Variants in LSAMP observed in about 807,000 individuals in gnomAD.
LSAMP encodes limbic system associated membrane protein.
LSAMP carries 7 observed loss-of-function variants against 38.6 expected under a neutral mutation model. The ratio of observed to expected loss-of-function variants is 0.18; its 90% CI spans 0.10 to 0.34. LSAMP has a LOEUF of 0.34. Among genes scored for constraint, LSAMP ranks in the 10% least tolerant of loss-of-function variants. LSAMP has a pLI of 1.00. For synonymous variants in LSAMP, 154 were observed against 166.8 expected, an observed-to-expected ratio of 0.92 and a Z score of 0.59; for missense variants, 313 against 420.0, an observed-to-expected ratio of 0.75 and a Z score of 2.23.
chr3:116,024,071 A>G (rs1270927616), intron 2 of LSAMP, among the ~76,000 whole-genome samples: 1 of 152,166 alleles, frequency 6.6e-6, no homozygotes, highest in Non-Finnish European at 1.5e-5. Flanking sequence ...TCCTGGATCC[A>G]CAATGGGTGA....
chr3:116,009,697 A>G (rs140278521), intron 3 of LSAMP, among the ~76,000 whole-genome samples: 2 of 152,264 alleles, frequency 1.3e-5, no homozygotes, highest in African/African-American at 4.8e-5. Context: ...AGGAAGTATT[A>G]TAAAACTTCC....
At chr3:115,911,973 C>T (rs1204429056) in intron 3 of LSAMP, among the ~76,000 whole-genome samples, 3 of 152,086 alleles carry the variant, frequency 2.0e-5, no homozygotes, top group Non-Finnish European at 4.4e-5. Context: ...TATATAACCT[C>T]GTCAGTGAAA....
chr3:115,977,846 C>T (rs947190240), intron 3 of LSAMP, among the ~76,000 whole-genome samples: 1 of 151,652 alleles, frequency 6.6e-6, no homozygotes, highest in Non-Finnish European at 1.5e-5. Flanking sequence ...GGAAAGAAGG[C>T]CAAACTAAAA....
At chr3:116,107,828 G>C (rs1428073787) in intron 1 of LSAMP, among the ~76,000 whole-genome samples, 5 of 152,148 alleles carry the variant, frequency 3.3e-5, no homozygotes, top group Non-Finnish European at 7.4e-5. Context: ...AATGGATTGT[G>C]GAGGGAGGTA....
At chr3:116,263,891 C>G (rs970153240) in intron 1 of LSAMP, among the ~76,000 whole-genome samples, 2 of 152,258 alleles carry the variant, frequency 1.3e-5, no homozygotes, top group Non-Finnish European at 2.9e-5. Flanking sequence ...GGGGAGTCAT[C>G]TATGGCTTCT....
At chr3:115,834,057 A>G (rs1263749368) in intron 6 of LSAMP, among the ~76,000 whole-genome samples, 4 of 152,140 alleles carry the variant, frequency 2.6e-5, no homozygotes, top group Non-Finnish European at 5.9e-5. Flanking sequence ...AAAACCATGA[A>G]TTGGCCAAGA....
At chr3:116,234,317 C>T (rs901167596) in intron 1 of LSAMP, among the ~76,000 whole-genome samples, 7 of 152,034 alleles carry the variant, frequency 4.6e-5, no homozygotes, top group African/African-American at 1.4e-4. Flanking sequence ...AATGAAAGGG[C>T]GTTCACGGGG....
intron 3 of LSAMP, among the ~76,000 whole-genome samples, chr3:115,891,979 T>TA (rs1178787616): frequency 6.6e-6 from 1 of 151,992 alleles, no homozygotes; most frequent in African/African-American, 2.4e-5. Context: ...GGAATGTACT[T>TA]ACTTCTCACT....
chr3:115,805,796 C>T lies in LSAMP; in HGVS notation c.*4521G>A, dbSNP rs967616731. ...GCTAGTATGCACATAAATGTAAACTCCATTTTGCATTTAGTGAGATGTTTA... is the reference window on the plus strand; with the variant it reads ...GCTAGTATGCACATAAATGTAAACTTCATTTTGCATTTAGTGAGATGTTTA... On this transcript the variant is annotated 3_prime_UTR_variant, in exon 7 of 7. Coordinates refer to ENST00000490035, the MANE Select transcript of LSAMP (RefSeq NM_002338.5). 6.6e-6 allele frequency: 1 copy of T among 152,126 alleles called. No homozygotes were observed. The highest frequency in any genetic ancestry group is 2.4e-5 in the African/African-American group (1 of 41,424). 9.4% of individuals were successfully genotyped at this position (152,126 alleles called of 1,614,324 possible).
At chr3:116,286,456 A>C (rs1247638067) in intron 1 of LSAMP, among the ~76,000 whole-genome samples, 1 of 152,194 alleles carries the variant, frequency 6.6e-6, no homozygotes, top group African/African-American at 2.4e-5. Flanking sequence ...ACATTCCATT[A>C]AAAATGATGG....
intron 1 of LSAMP, among the ~76,000 whole-genome samples, chr3:116,095,479 A>G (rs963133963): frequency 1.3e-5 from 2 of 152,220 alleles, no homozygotes; most frequent in Non-Finnish European, 2.9e-5. Context: ...TTAAGAGAAG[A>G]GTGGATGGAA....
chr3:116,204,362 T>C (rs960938396), intron 1 of LSAMP, among the ~76,000 whole-genome samples: 9 of 152,172 alleles, frequency 5.9e-5, no homozygotes, highest in Admixed American at 5.9e-4. Context: ...GCCTGTTCAC[T>C]CTGATGGTAG....
chr3:115,830,037 G>A (rs1232249027), intron 6 of LSAMP, among the ~76,000 whole-genome samples: 2 of 152,116 alleles, frequency 1.3e-5, no homozygotes, highest in Admixed American at 6.5e-5. Flanking sequence ...ACCACTTTGA[G>A]CTTGTAGGCA....
At chr3:115,949,425 A>G (rs941389655) in intron 3 of LSAMP, among the ~76,000 whole-genome samples, 1 of 151,936 alleles carries the variant, frequency 6.6e-6, no homozygotes, top group Non-Finnish European at 1.5e-5. Context: ...GATTTATACA[A>G]AAGGTCATTC....
chr3:116,310,515 T>C (rs948448072), intron 1 of LSAMP, among the ~76,000 whole-genome samples: 1 of 152,194 alleles, frequency 6.6e-6, no homozygotes, highest in Non-Finnish European at 1.5e-5. Context: ...TGTCCAGTCC[T>C]GAAATGTTCT....
At chr3:116,033,442 C>T (rs1940974146) in intron 2 of LSAMP, among the ~76,000 whole-genome samples, 1 of 152,154 alleles carries the variant, frequency 6.6e-6, no homozygotes, top group Non-Finnish European at 1.5e-5. Flanking sequence ...TCTTCTCTTA[C>T]TTCTGCACCC....
intron 1 of LSAMP, among the ~76,000 whole-genome samples, chr3:116,132,325 C>T (rs1709153098): frequency 6.6e-6 from 1 of 151,968 alleles, no homozygotes; most frequent in African/African-American, 2.4e-5. Flanking sequence ...TAGCACATAC[C>T]ATTCCCCATA....
intron 3 of LSAMP, among the ~76,000 whole-genome samples, chr3:116,012,985 T>C (rs73139167): frequency 0.017 from 2,564 of 152,312 alleles, 45 homozygotes; most frequent in Non-Finnish European, 0.024. Flanking sequence ...ATGTGGACTC[T>C]GTATTTCTGT....
intron 1 of LSAMP, among the ~76,000 whole-genome samples, chr3:116,131,467 G>A (rs888116831): frequency 1.3e-5 from 2 of 152,128 alleles, no homozygotes; most frequent in Non-Finnish European, 2.9e-5. Context: ...GACTTTTACT[G>A]TCTTCTGGGA....
Sources: allele counts gnomAD v4.1 joint callset (sites outside exome capture counted in the v4.1 genomes callset), GRCh38; gene constraint gnomAD v4.1.1; transcripts MANE v1.5; gene names NCBI Gene and HGNC (gene_info 2026-07-23, HGNC 2026-07-21).